Variants in SEMA6A observed in about 807,000 individuals in gnomAD.
SEMA6A encodes the protein semaphorin-6A.
A neutral mutation model predicts 96.8 loss-of-function variants in SEMA6A; 25 were observed. The ratio of observed to expected loss-of-function variants is 0.26; its 90% CI spans 0.19 to 0.36. The LOEUF (loss-of-function observed/expected upper bound fraction) is 0.36, where lower values mean the gene tolerates loss of function less well. Among genes scored for constraint, SEMA6A ranks in the 10% least tolerant of loss-of-function variants. The pLI is 1.00. For synonymous variants in SEMA6A, 612 were observed against 518.0 expected, an observed-to-expected ratio of 1.18 and a Z score of -2.46; for missense variants, 1,363 against 1,323.1, an observed-to-expected ratio of 1.03 and a Z score of -0.47.
At chr5:116,473,969 C>T (rs1756307680) in intron 16 of SEMA6A, among the ~76,000 whole-genome samples, 1 of 152,144 alleles carries the variant, frequency 6.6e-6, no homozygotes, top group South Asian at 2.1e-4. Context: ...CTTGCTTGAC[C>T]ACTAAGATTA....
chr5:116,487,858 C>T (rs938653606), intron 9 of SEMA6A, among the ~76,000 whole-genome samples: 1 of 151,892 alleles, frequency 6.6e-6, no homozygotes, highest in African/African-American at 2.4e-5. Flanking sequence ...AGTAAGACTC[C>T]GTCTCAAAAA....
chr5:116,574,199 G>C lies in SEMA6A; in HGVS notation c.-53C>G, dbSNP rs539968004. 1 of 152,550 alleles carries C rather than the reference G, an allele frequency of 6.6e-6. No homozygotes were observed. Among genetic ancestry groups the C allele is most frequent in the African/African-American group, 2.4e-5 (1 of 41,534 alleles). The allele number at this position is 152,550 out of a possible 1,614,324, so 9.4% of individuals were successfully genotyped here. ...CCGGGGCGTACCTTTTCGGTGCATC[G>C]ACGGACAGGCGGCCGGGGCTCGGAG... is the stretch of plus-strand genomic sequence containing the variant. On this transcript the variant is annotated 5_prime_UTR_variant, in exon 1 of 19. Coordinates refer to ENST00000343348, the MANE Select transcript of SEMA6A (RefSeq NM_020796.5).
At chr5:116,455,582 A>T (rs1323764898) in intron 18 of SEMA6A, among the ~76,000 whole-genome samples, 1 of 152,022 alleles carries the variant, frequency 6.6e-6, no homozygotes, top group Non-Finnish European at 1.5e-5. Context: ...GGAGAAGTGG[A>T]CCTCCTTAAA....
At chr5:116,533,257 CTTTT>C (rs77196415) in intron 1 of SEMA6A, among the ~76,000 whole-genome samples, 3 of 140,894 alleles carry the variant, frequency 2.1e-5, no homozygotes, top group Admixed American at 1.4e-4. Context: ...TTTGTTTTTC[CTTTT>C]TTTTTTTTTT....
chr5:116,484,330 T>G (rs1268898956), intron 10 of SEMA6A, among the ~76,000 whole-genome samples: 3 of 152,294 alleles, frequency 2.0e-5, no homozygotes, highest in Admixed American at 2.0e-4. Flanking sequence ...AATCCTTTCT[T>G]CCTCCTTCCT....
intron 2 of SEMA6A, among the ~76,000 whole-genome samples, chr5:116,503,269 C>T (rs973548542): frequency 1.5e-4 from 23 of 152,086 alleles, no homozygotes; most frequent in Admixed American, 3.3e-4. Context: ...ATGCTTCGAC[C>T]CTCACTTTAC....
At chr5:116,499,365 C>A (rs1388334281) in intron 3 of SEMA6A, among the ~76,000 whole-genome samples, 1 of 148,128 alleles carries the variant, frequency 6.8e-6, no homozygotes. Context: ...CTTCCCCCTC[C>A]AGCAAGCACC....
intron 1 of SEMA6A, among the ~76,000 whole-genome samples, chr5:116,559,867 TCA>T (rs1488063320): frequency 2.0e-5 from 3 of 152,188 alleles, no homozygotes; most frequent in Non-Finnish European, 4.4e-5. Context: ...CTTTTTCAAC[TCA>T]CAGTCCTAGC....
At chr5:116,518,694 G>A (rs186656813) in intron 1 of SEMA6A, among the ~76,000 whole-genome samples, 1 of 152,310 alleles carries the variant, frequency 6.6e-6, no homozygotes, top group East Asian at 1.9e-4. Flanking sequence ...GCCTTTCTTT[G>A]GGAGGAAATG....
chr5:116,488,073 T>G, intron 9 of SEMA6A, 35 bp downstream of exon 9: 1 of 1,389,390 alleles, frequency 7.2e-7, no homozygotes. Flanking sequence ...TCTGAAAATG[T>G]TACAAACTGA....
At chr5:116,522,251 GT>G (rs1414737408) in intron 1 of SEMA6A, among the ~76,000 whole-genome samples, 1 of 140,560 alleles carries the variant, frequency 7.1e-6, no homozygotes, top group Non-Finnish European at 1.5e-5. Context: ...TTGTGCATGT[GT>G]TTTTTTAGAA....
chr5:116,456,912 T>C (rs1755045631), intron 18 of SEMA6A, among the ~76,000 whole-genome samples: 15 of 152,210 alleles, frequency 9.9e-5, no homozygotes, highest in Admixed American at 8.5e-4. Flanking sequence ...TACCTTCATC[T>C]CTGCATGACT....
chr5:116,538,458 C>T (rs1467149076), intron 1 of SEMA6A, among the ~76,000 whole-genome samples: 1 of 152,182 alleles, frequency 6.6e-6, no homozygotes, highest in Non-Finnish European at 1.5e-5. Context: ...GACAGACTCA[C>T]GTGGAGCCAC....
intron 4 of SEMA6A, 58 bp from the exon 5 acceptor site, chr5:116,496,371 GAAGT>G: frequency 1.3e-6 from 2 of 1,481,898 alleles, no homozygotes; most frequent in Non-Finnish European, 1.9e-6. Context: ...TTTGATTTTA[GAAGT>G]AAGAGTTCCC....
At chr5:116,528,561 G>C (rs1759329375) in intron 1 of SEMA6A, among the ~76,000 whole-genome samples, 1 of 152,172 alleles carries the variant, frequency 6.6e-6, no homozygotes, top group Admixed American at 6.5e-5. Context: ...CCTGGCAGAG[G>C]TGTCATCATT....
Position 116,478,095 on chromosome 5 carries a change from C to T in SEMA6A, c.1487G>A (p.Ser496Asn). The T allele has an allele frequency of 9.3e-6, 15 of 1,613,928 alleles. No individual in the cohort carries two copies. The highest frequency in any genetic ancestry group is 1.3e-5 in the Non-Finnish European group (15 of 1,179,828). The stretch of plus-strand genomic sequence containing the variant: ...AGAGAACGCAACATACAGAGAGCTG[C>T]TTGCTCTGTCCAGCTGCATGCCCAT... ...RIMGMQLDRASSSLYVAFSTC... is the reference protein window; with the variant it reads ...RIMGMQLDRANSSLYVAFSTC... Residue 496 changes from serine to asparagine, a missense_variant, in exon 14 of 19, where the codon AGC (serine) becomes AAC (asparagine). Ser to Asn is a conservative substitution (Grantham distance 46). Around this residue, in one of 2 missense-constraint regions of SEMA6A, gnomAD observed 883 missense variants for 763.6 expected, o/e 1.16. Coordinates refer to ENST00000343348, the MANE Select transcript of SEMA6A (RefSeq NM_020796.5).
chr5:116,466,016 G>A (rs1755710498), intron 18 of SEMA6A, among the ~76,000 whole-genome samples: 1 of 145,772 alleles, frequency 6.9e-6, no homozygotes, highest in Non-Finnish European at 1.5e-5. Context: ...GAAAGAGCAG[G>A]GAATCCCTCA....
At chr5:116,482,163 C>T (rs1756811140) in intron 11 of SEMA6A, among the ~76,000 whole-genome samples, 1 of 152,200 alleles carries the variant, frequency 6.6e-6, no homozygotes, top group Non-Finnish European at 1.5e-5. Flanking sequence ...CCTCTCCAGG[C>T]CTCAGTTTTC....
rs768959893 is a variant in SEMA6A, at chr5:116,574,326, CAT to C, written c.-182_-181del. 2.0e-3 allele frequency: 312 copies of C among 152,440 alleles called. 6 individuals are homozygous for C. The highest frequency in any genetic ancestry group is 5.7e-4 in the Non-Finnish European group (39 of 68,082). 9.4% of individuals were successfully genotyped at this position (152,440 alleles called of 1,614,324 possible). Reference sequence around the variant, plus strand: ...CCTTCGCAAGCCTTTGTCATTCCTACATGTGTGCTTGTCTCTTTGGGGGAAAT... The same window carrying C: ...CCTTCGCAAGCCTTTGTCATTCCTACGTGTGCTTGTCTCTTTGGGGGAAAT... On this transcript the variant is annotated 5_prime_UTR_variant, in exon 1 of 19. It removes an upstream start codon present in the reference 5' UTR. Transcript: ENST00000343348.
Sources: allele counts gnomAD v4.1 joint callset (sites outside exome capture counted in the v4.1 genomes callset), GRCh38; gene constraint gnomAD v4.1.1; regional missense constraint gnomAD v4.1.1; transcripts MANE v1.5; gene names NCBI Gene and HGNC (gene_info 2026-07-23, HGNC 2026-07-21).